GABRB3: variants seen among roughly 807,000 people sequenced by gnomAD.
The protein encoded by GABRB3 is gamma-aminobutyric acid type A receptor subunit beta3, also known as gamma-aminobutyric acid receptor subunit beta-3.
In GABRB3, 14 loss-of-function variants were observed where a neutral mutation model predicts 52.1. The ratio of observed to expected loss-of-function variants is 0.27; its 90% confidence interval spans 0.18 to 0.42. The LOEUF (loss-of-function observed/expected upper bound fraction) is 0.42. GABRB3 is among the 10% of genes least tolerant of loss of function. The probability of loss-of-function intolerance (pLI) is 1.00; values close to 1 mark genes in which losing one functional copy is unlikely to be tolerated. For missense variants in GABRB3, 307 were observed against 609.1 expected (o/e 0.50, Z 5.22); for synonymous variants, 260 against 232.3 (o/e 1.12, Z -1.08).
At chr15:26,632,680 G>T (rs1892943624) in intron 3 of GABRB3, among the ~76,000 whole-genome samples, 2 of 152,122 alleles carry the variant, frequency 1.3e-5, no homozygotes, top group Admixed American at 6.5e-5. Flanking sequence ...TGCCGTCGGT[G>T]TTGAGTGTGC....
chr15:26,744,561 GA>G, intron 3 of GABRB3, among the ~76,000 whole-genome samples: 2 of 152,166 alleles, frequency 1.3e-5, no homozygotes, highest in Admixed American at 1.3e-4. Context: ...GAGTACCTGG[GA>G]TTACAGATGC....
intron 4 of GABRB3, chr15:26,612,352 C>G (rs1362075211): frequency 6.6e-6 from 1 of 152,064 alleles, no homozygotes; most frequent in Admixed American, 6.6e-5. Context: ...ATTAACTAAA[C>G]TGTTGAAAAT....
intron 6 of GABRB3, among the ~76,000 whole-genome samples, chr15:26,576,701 A>T (rs181005817): frequency 6.6e-6 from 1 of 152,324 alleles, no homozygotes; most frequent in East Asian, 1.9e-4. Flanking sequence ...CATAAGGGAA[A>T]GATGAGAAGC....
chr15:26,741,045 A>AGAGTGT (rs1197618046), intron 3 of GABRB3, among the ~76,000 whole-genome samples: 1 of 55,222 alleles, frequency 1.8e-5, no homozygotes, highest in African/African-American at 3.8e-5. Context: ...GGGAGGAATA[A>AGAGTGT]GTGTGTGTGT....
At chr15:26,702,171 T>C (rs879512187) in intron 3 of GABRB3, among the ~76,000 whole-genome samples, 28 of 152,170 alleles carry the variant, frequency 1.8e-4, no homozygotes, top group Non-Finnish European at 2.6e-4. Context: ...ACCTTTATGA[T>C]CTTATATTGG....
intron 8 of GABRB3, among the ~76,000 whole-genome samples, chr15:26,551,368 G>C (rs1222873825): frequency 6.6e-6 from 1 of 152,294 alleles, no homozygotes; most frequent in East Asian, 1.9e-4. Context: ...TCCTTTAGTG[G>C]AGTCTGGAAT....
At chr15:26,759,311 G>C (rs1890748229) in intron 3 of GABRB3, among the ~76,000 whole-genome samples, 1 of 152,174 alleles carries the variant, frequency 6.6e-6, no homozygotes. Context: ...CTGGAGTGCA[G>C]TGGCGCAATC....
chr15:26,625,160 G>T (rs1388114593), intron 3 of GABRB3, among the ~76,000 whole-genome samples: 1 of 152,156 alleles, frequency 6.6e-6, no homozygotes, highest in East Asian at 1.9e-4. Flanking sequence ...CAATGTGGAA[G>T]CTCCAAGGGA....
rs999760743 is a variant in GABRB3 at position 26,568,410 on chromosome 15, C to T, written c.683-677G>A. Among the ~76,000 whole-genome samples, 6 of 152,300 alleles carry T rather than the reference C, an allele frequency of 3.9e-5. No homozygotes were observed. In the East Asian group the frequency reaches 7.7e-4, roughly 20 times the overall value. On this transcript the variant is annotated intron_variant, in intron 6 of 8. Transcript: ENST00000311550. ...CTCAACACATTTTGGAATCCTACCA[C>T]CACCACCATGACAGAGTGAGAAAAT...
At chr15:26,614,274 G>A (rs1179572082) in intron 4 of GABRB3, 1 of 152,168 alleles carries the variant, frequency 6.6e-6, no homozygotes, top group Non-Finnish European at 1.5e-5. Context: ...TCCAAGTGAG[G>A]GGAGAGTTTG....
intron 3 of GABRB3, among the ~76,000 whole-genome samples, chr15:26,716,310 G>A (rs1595547768): frequency 6.6e-6 from 1 of 152,134 alleles, no homozygotes; most frequent in Admixed American, 6.5e-5. Flanking sequence ...CAAAGAGGTA[G>A]GATAATGAAC....
At chr15:26,720,707 C>T (rs368074169) in intron 3 of GABRB3, among the ~76,000 whole-genome samples, 1 of 152,146 alleles carries the variant, frequency 6.6e-6, no homozygotes, top group African/African-American at 2.4e-5. Context: ...AGGGCCTTCA[C>T]ACATACGCAA....
intron 3 of GABRB3, chr15:26,624,526 CCG>C: frequency 1.0e-6 from 1 of 985,336 alleles, no homozygotes; most frequent in East Asian, 1.1e-4. Flanking sequence ...AGCTCGGGCT[CCG>C]CGTCTTATTT....
intron 4 of GABRB3, among the ~76,000 whole-genome samples, chr15:26,597,203 G>T (rs1383239847): frequency 6.6e-6 from 1 of 152,142 alleles, no homozygotes; most frequent in Non-Finnish European, 1.5e-5. Context: ...TTTTGGAGGG[G>T]ACATTCAAAC....
chr15:26,640,642 A>G (rs1893176458), intron 3 of GABRB3, among the ~76,000 whole-genome samples: 2 of 152,218 alleles, frequency 1.3e-5, no homozygotes, highest in Non-Finnish European at 2.9e-5. Flanking sequence ...GGTTTTCCAT[A>G]TGTGAGAGTT....
At chr15:26,598,737 A>G (rs1891482600) in intron 4 of GABRB3, among the ~76,000 whole-genome samples, 1 of 152,158 alleles carries the variant, frequency 6.6e-6, no homozygotes, top group African/African-American at 2.4e-5. Context: ...CACAAAGAAC[A>G]TTAGGGGGAA....
chr15:26,586,253 T>C (rs1490896069), intron 4 of GABRB3, among the ~76,000 whole-genome samples: 1 of 152,104 alleles, frequency 6.6e-6, no homozygotes, highest in Non-Finnish European at 1.5e-5. Flanking sequence ...CGCCTTGGTC[T>C]CCTAAAGTGC....
intron 5 of GABRB3, 139 bp from the exon 6 acceptor site, chr15:26,580,595 T>C (rs1013394602): frequency 1.8e-6 from 2 of 1,082,414 alleles, no homozygotes; most frequent in African/African-American, 3.1e-5. Flanking sequence ...CTAGGGGAAG[T>C]GTCATCAAAG....
intron 4 of GABRB3, among the ~76,000 whole-genome samples, chr15:26,588,976 T>C (rs1390267146): frequency 6.6e-6 from 1 of 152,174 alleles, no homozygotes; most frequent in South Asian, 2.1e-4. Context: ...CTCTAGTAAG[T>C]GTAAAATCAT....
Sources: gnomAD v4.1 joint callset for allele counts (sites outside exome capture counted in the v4.1 genomes callset) on GRCh38, gnomAD v4.1.1 for gene constraint, MANE v1.5 for transcripts, NCBI Gene and HGNC (gene_info 2026-07-23, HGNC 2026-07-21) for gene names.